TEKT1: variants seen among roughly 807,000 people sequenced by gnomAD.
The protein encoded by TEKT1 is tektin 1.
In TEKT1, 32 loss-of-function variants were observed where a neutral mutation model predicts 34.8. That is an observed-to-expected ratio of 0.92 (90% CI 0.69 to 1.23). TEKT1 has a LOEUF of 1.23. Ranked by LOEUF, TEKT1 falls within the 50% of genes most tolerant of loss-of-function variation. TEKT1 has a pLI of 0.00. For synonymous variants in TEKT1, 207 were observed against 199.8 expected, an observed-to-expected ratio of 1.04 and a Z score of -0.30; for missense variants, 492 against 518.5, an observed-to-expected ratio of 0.95 and a Z score of 0.50.
At chr17:6,819,042 G>C in intron 3 of TEKT1, 151 bp downstream of exon 3, 1 of 930,984 alleles carries the variant, frequency 1.1e-6, no homozygotes, top group South Asian at 1.9e-5. Flanking sequence ...GCACTGCCCA[G>C]CACCAGGGGC....
chr17:6,802,889 T>C (rs1976795078), intron 6 of TEKT1, among the ~76,000 whole-genome samples: 1 of 152,208 alleles, frequency 6.6e-6, no homozygotes. Flanking sequence ...TCCAAGTCTT[T>C]GCTATTGTGA....
intron 3 of TEKT1, among the ~76,000 whole-genome samples, chr17:6,817,489 C>A (rs1977022547): frequency 6.6e-6 from 1 of 151,994 alleles, no homozygotes. Flanking sequence ...TTGTGCTGAG[C>A]TTTATTAATA....
intron 2 of TEKT1, among the ~76,000 whole-genome samples, chr17:6,828,099 C>T (rs1904463040): frequency 6.6e-6 from 1 of 152,012 alleles, no homozygotes; most frequent in Non-Finnish European, 1.5e-5. Flanking sequence ...TGCATGCCAC[C>T]ATGCCCCACT....
intron 2 of TEKT1, among the ~76,000 whole-genome samples, chr17:6,821,341 G>C (rs959269089): frequency 6.6e-6 from 1 of 152,164 alleles, no homozygotes; most frequent in African/African-American, 2.4e-5. Context: ...AGATCTGATA[G>C]TTTTATAAGG....
chr17:6,806,564 G>A (rs914496512), intron 6 of TEKT1, among the ~76,000 whole-genome samples: 21 of 152,148 alleles, frequency 1.4e-4, no homozygotes, highest in African/African-American at 3.9e-4. Context: ...TCCTAGCGTC[G>A]ATGGTCTTTA....
intron 2 of TEKT1, among the ~76,000 whole-genome samples, chr17:6,823,421 ACT>A (rs1032355895): frequency 2.2e-4 from 33 of 149,822 alleles, no homozygotes; most frequent in African/African-American, 8.1e-4. Context: ...TTCCTCTCTA[ACT>A]CTCTGTGTGT....
intron 3 of TEKT1, among the ~76,000 whole-genome samples, chr17:6,817,897 C>T (rs12103645): frequency 0.13 from 19,479 of 152,242 alleles, 1,457 homozygotes; most frequent in Middle Eastern, 0.22. Context: ...TCATTATCCT[C>T]AGGCTTAGAC....
At chr17:6,810,944 T>A (rs1976918910) in intron 6 of TEKT1, among the ~76,000 whole-genome samples, 1 of 152,236 alleles carries the variant, frequency 6.6e-6, no homozygotes, top group African/African-American at 2.4e-5. Flanking sequence ...TTCACCCTGT[T>A]GCCCAGGCTA....
intron 3 of TEKT1, among the ~76,000 whole-genome samples, chr17:6,818,600 C>T (rs1977041491): frequency 6.6e-6 from 1 of 152,168 alleles, no homozygotes; most frequent in African/African-American, 2.4e-5. Flanking sequence ...GGCTGAGCAC[C>T]TGGCTGCCCA....
chr17:6,819,840 A>G (rs1977061394), intron 2 of TEKT1, among the ~76,000 whole-genome samples: 1 of 152,146 alleles, frequency 6.6e-6, no homozygotes, highest in Non-Finnish European at 1.5e-5. Flanking sequence ...GGCATCCGCC[A>G]CCACACCCGG....
intron 6 of TEKT1, among the ~76,000 whole-genome samples, chr17:6,806,065 G>T (rs1050514294): frequency 4.6e-5 from 7 of 152,074 alleles, no homozygotes; most frequent in African/African-American, 1.7e-4. Flanking sequence ...TTGACAGTGG[G>T]GTGGTAAAGT....
chr17:6,827,659 A>G (rs1904449084), intron 2 of TEKT1, among the ~76,000 whole-genome samples: 1 of 152,196 alleles, frequency 6.6e-6, no homozygotes, highest in Non-Finnish European at 1.5e-5. Flanking sequence ...TTGGCATTGC[A>G]TTGAATATAT....
In TEKT1 at chr17:6,830,288, T is replaced by C. The variant is rs1904539205; in HGVS notation, c.89A>G (p.Gln30Arg). ...GACCAGGCGTTCTGATCGGGACCTT[T>C]GAGCGTCTGCTCTGTGGTACTGGTT... ...NKNQYHRADA[Q>R]RSRSERLVAE... Residue 30 changes from glutamine to arginine, a missense_variant, in exon 2 of 8, where the codon CAA becomes CGA. Coordinates refer to ENST00000338694, the MANE Select transcript of TEKT1 (RefSeq NM_053285.2). 6.2e-7 allele frequency: 1 copy of C among 1,613,522 alleles called. No individual in the cohort carries two copies. Among genetic ancestry groups the C allele is most frequent in the Non-Finnish European group, 8.5e-7 (1 of 1,179,966 alleles).
At chr17:6,816,837 C>G (rs765866523) in intron 3 of TEKT1, among the ~76,000 whole-genome samples, 53 of 152,154 alleles carry the variant, frequency 3.5e-4, no homozygotes, top group Non-Finnish European at 6.3e-4. Context: ...CACTAATTTA[C>G]CCTCCCACCA....
rs761234055 is a variant in TEKT1, at chr17:6,819,308, G to T, written c.241C>A (p.Leu81Ile). Residue 81 changes from leucine to isoleucine, a missense_variant, in exon 3 of 8, where the codon CTT becomes ATT. By Grantham distance (5) the Leu-to-Ile change is conservative. Transcript: ENST00000338694. ...TCAGTTACATTCACAAGCTGCTCAA[G>T]TTTGTCATCTAACTCCTTCTTCCAG... ...QFWKKELDDK[L>I]EQLVNVTDDL... 1.5e-5 allele frequency: 25 copies of T among 1,613,894 alleles called. No individual in the cohort carries two copies. Among genetic ancestry groups the T allele is most frequent in the Non-Finnish European group, 2.0e-5 (24 of 1,179,978 alleles).
At chr17:6,815,095 C>T (rs200742666) in intron 5 of TEKT1, 68 bp downstream of exon 5, 51 of 1,543,346 alleles carry the variant, frequency 3.3e-5, no homozygotes, top group Middle Eastern at 1.8e-4. Flanking sequence ...AAGGACGAGC[C>T]GCTAGGTCTT....
chr17:6,825,017 G>T (rs1196801588), intron 2 of TEKT1, among the ~76,000 whole-genome samples: 1 of 152,120 alleles, frequency 6.6e-6, no homozygotes, highest in Non-Finnish European at 1.5e-5. Context: ...AAGAAAGATT[G>T]CTTAGAGAGA....
chr17:6,807,399 T>C (rs1976861436), intron 6 of TEKT1, among the ~76,000 whole-genome samples: 1 of 152,208 alleles, frequency 6.6e-6, no homozygotes, highest in Non-Finnish European at 1.5e-5. Flanking sequence ...TTAACTTCTT[T>C]GCCATGGGTT....
At chr17:6,801,673 A>C (rs1222332811) in intron 6 of TEKT1, among the ~76,000 whole-genome samples, 1 of 152,142 alleles carries the variant, frequency 6.6e-6, no homozygotes, top group Non-Finnish European at 1.5e-5. Context: ...GTGCCACTGC[A>C]CTCCAGCTTG....
Sources: gnomAD v4.1 joint callset for allele counts (sites outside exome capture counted in the v4.1 genomes callset) on GRCh38, gnomAD v4.1.1 for gene constraint, MANE v1.5 for transcripts, NCBI Gene and HGNC (gene_info 2026-07-23, HGNC 2026-07-21) for gene names.